Variants in SCN1A observed in about 807,000 individuals in gnomAD.
The protein encoded by SCN1A is sodium channel protein type 1 subunit alpha.
SCN1A carries 13 observed loss-of-function variants against 193.7 expected under a neutral mutation model. That is an observed-to-expected ratio of 0.07 (90% confidence interval 0.04 to 0.11). The LOEUF is 0.11. Ranked by LOEUF, SCN1A falls within the 10% of genes least tolerant of loss-of-function variation. The pLI, the probability that SCN1A is intolerant of heterozygous loss-of-function variation, is 1.00. For missense variants in SCN1A, 1,432 were observed against 2,451.1 expected, an observed-to-expected ratio of 0.58 and a Z score of 8.78; for synonymous variants, 781 against 843.6, an observed-to-expected ratio of 0.93 and a Z score of 1.29.
At chr2:166,108,852 G>A (rs775565299) in intron 2 of SCN1A, among the ~76,000 whole-genome samples, 1 of 152,062 alleles carries the variant, frequency 6.6e-6, no homozygotes, top group Non-Finnish European at 1.5e-5. Context: ...TTAGCTCAAT[G>A]GAAATGTTCT....
At chr2:165,997,130 ATAAT>A (rs1690186225) in intron 26 of SCN1A, among the ~76,000 whole-genome samples, 1 of 151,196 alleles carries the variant, frequency 6.6e-6, no homozygotes, top group Non-Finnish European at 1.5e-5. Flanking sequence ...TTCTCAGGAA[ATAAT>A]TAAAGCCTTA....
At position 166,012,096 on chromosome 2, in the gene SCN1A, G is replaced by A; in HGVS notation, c.3879+13C>T. 6.2e-7 allele frequency: 1 copy of A among 1,608,226 alleles called. No homozygotes were observed. Among genetic ancestry groups the A allele is most frequent in the Non-Finnish European group, 8.5e-7 (1 of 1,175,806 alleles). On this transcript the variant is annotated intron_variant, in intron 22 of 28. Coordinates refer to ENST00000674923, the MANE Select transcript of SCN1A (RefSeq NM_001165963.4). ...CTACCTTGAACAGAGACAAAAATAT[G>A]AACGATACCTACATCAACAATTAAG...
At chr2:166,066,189 G>C (rs559074805) in intron 4 of SCN1A, among the ~76,000 whole-genome samples, 137 of 152,284 alleles carry the variant, frequency 9.0e-4, no homozygotes, top group Non-Finnish European at 1.7e-3. Context: ...TTCTCCAGCA[G>C]AGAGAAGAAA....
At chr2:166,019,910 TTC>T (rs1479862947) in intron 19 of SCN1A, among the ~76,000 whole-genome samples, 16 of 108,930 alleles carry the variant, frequency 1.5e-4, no homozygotes, top group East Asian at 2.6e-4. Flanking sequence ...CAAGGTGAAC[TTC>T]TTTTTTTTTT....
intron 4 of SCN1A, 144 bp downstream of exon 4, chr2:166,073,214 A>C: frequency 4.2e-6 from 4 of 958,954 alleles, no homozygotes; most frequent in Non-Finnish European, 6.2e-6. Flanking sequence ...ATGTATATGC[A>C]TAAACCACCC....
chr2:166,040,922 T>G (rs2105825653), intron 16 of SCN1A, among the ~76,000 whole-genome samples: 1 of 152,268 alleles, frequency 6.6e-6, no homozygotes, highest in Middle Eastern at 3.4e-3. Flanking sequence ...GTAAGGGAAA[T>G]TGTAATAATA....
chr2:166,142,195 AG>A (rs1427619614), intron 1 of SCN1A, among the ~76,000 whole-genome samples: 1 of 152,336 alleles, frequency 6.6e-6, no homozygotes, highest in East Asian at 1.9e-4. Context: ...CCTGCTAAAG[AG>A]GGAAAACTGG....
intron 2 of SCN1A, among the ~76,000 whole-genome samples, chr2:166,102,558 C>T (rs1383314208): frequency 3.4e-5 from 5 of 148,984 alleles, no homozygotes; most frequent in Non-Finnish European, 5.9e-5. Context: ...CAGATGTTGG[C>T]AAGGTTGTGG....
In SCN1A at chr2:166,006,508, T is replaced by C. The variant is rs554109957; in HGVS notation, c.4002+3211A>G. Among the ~76,000 whole-genome samples the C allele has an allele frequency of 5.2e-4, 79 of 151,570 alleles. No homozygotes were observed. In the Middle Eastern group the frequency reaches 0.01, roughly 20 times the overall value. On this transcript the variant is annotated intron_variant, in intron 23 of 28. Coordinates refer to ENST00000674923, the MANE Select transcript of SCN1A (RefSeq NM_001165963.4). ...AAGTGAGTTTATGCCTTAAATTTTATCTTAATACTCATGATAAGACGTTTT... is the reference window on the plus strand; with the variant it reads ...AAGTGAGTTTATGCCTTAAATTTTACCTTAATACTCATGATAAGACGTTTT...
At chr2:166,015,247 G>A (rs768548650) in intron 20 of SCN1A, among the ~76,000 whole-genome samples, 9 of 151,786 alleles carry the variant, frequency 5.9e-5, no homozygotes, top group African/African-American at 1.7e-4. Flanking sequence ...CTAGCAATCC[G>A]TTTAGTTTTA....
intron 6 of SCN1A, among the ~76,000 whole-genome samples, 183 bp downstream of exon 6, chr2:166,056,228 A>T (rs1699114812): frequency 6.6e-6 from 1 of 152,086 alleles, no homozygotes. Context: ...CAGGCAAAAG[A>T]GAGTGATAAT....
intron 2 of SCN1A, among the ~76,000 whole-genome samples, chr2:166,097,167 G>T (rs779917058): frequency 5.3e-5 from 8 of 151,940 alleles, no homozygotes; most frequent in Non-Finnish European, 8.8e-5. Flanking sequence ...GACTACAGGT[G>T]CATGCCACCA....
chr2:166,124,045 C>G (rs531835465), intron 2 of SCN1A, among the ~76,000 whole-genome samples: 1 of 152,146 alleles, frequency 6.6e-6, no homozygotes, highest in Non-Finnish European at 1.5e-5. Flanking sequence ...CCCCTCTCAT[C>G]CTCACTATCT....
At position 165,998,518 on chromosome 2, in the gene SCN1A, T is replaced by G. The variant is rs184048467; in HGVS notation, c.4339-343A>C. Among the ~76,000 whole-genome samples the G allele has an allele frequency of 5.2e-3, 788 of 151,424 alleles. 7 individuals carry two copies. Among genetic ancestry groups the G allele is most frequent in the African/African-American group, 0.018 (749 of 41,484 alleles). ...AATAAAAAATTTAAAACTGTAAATA[T>G]CTACAGGCTAGGTTTAGAAACAGTC... On this transcript the variant is annotated intron_variant, in intron 25 of 28. Transcript: ENST00000674923.
At chr2:166,055,483 G>T (rs886266995) in intron 6 of SCN1A, among the ~76,000 whole-genome samples, 1 of 151,788 alleles carries the variant, frequency 6.6e-6, no homozygotes, top group Non-Finnish European at 1.5e-5. Flanking sequence ...TTTTCTTCAA[G>T]ATGTCATGTT....
chr2:165,993,749 T>C (rs1175627429), intron 28 of SCN1A: 1 of 220,328 alleles, frequency 4.5e-6, no homozygotes, highest in African/African-American at 2.3e-5. Flanking sequence ...CTAATATCTA[T>C]ATGCTGGTGA....
chr2:166,135,682 C>G (rs1574642206), intron 1 of SCN1A, among the ~76,000 whole-genome samples: 1 of 152,148 alleles, frequency 6.6e-6, no homozygotes, highest in African/African-American at 2.4e-5. Flanking sequence ...GGACAGAAAT[C>G]ATTAGGGTCC....
chr2:166,074,912 G>T (rs1433865800), intron 3 of SCN1A, among the ~76,000 whole-genome samples: 1 of 152,134 alleles, frequency 6.6e-6, no homozygotes, highest in Non-Finnish European at 1.5e-5. Flanking sequence ...ATCAAAAGAA[G>T]GGAGGACTCA....
chr2:166,075,639 A>G (rs1260353940), intron 3 of SCN1A, among the ~76,000 whole-genome samples: 1 of 152,034 alleles, frequency 6.6e-6, no homozygotes, highest in Non-Finnish European at 1.5e-5. Context: ...CAAGTAATAC[A>G]TTTTTACACA....
Sources: gnomAD v4.1 joint callset for allele counts (sites outside exome capture counted in the v4.1 genomes callset) on GRCh38, gnomAD v4.1.1 for gene constraint, MANE v1.5 for transcripts, NCBI Gene and HGNC (gene_info 2026-07-23, HGNC 2026-07-21) for gene names.